The following AJM1 variants were observed in gnomAD, a reference collection of about 807,000 sequenced individuals.
AJM1 encodes the protein apical junction component 1 homolog.
In AJM1, 22 loss-of-function variants were observed where a neutral mutation model predicts 43.0. The ratio of observed to expected loss-of-function variants is 0.51; its 90% CI spans 0.37 to 0.73. The LOEUF (loss-of-function observed/expected upper bound fraction) is 0.73. Ranked by LOEUF, AJM1 falls within the 30% of genes least tolerant of loss-of-function variation. AJM1 has a pLI of 0.00. For missense variants in AJM1, 1,305 were observed against 1,343.3 expected (o/e 0.97, Z 0.45); for synonymous variants, 719 against 638.3 (o/e 1.13, Z -1.91).
In AJM1 at chr9:136,844,809, G is replaced by A. The variant is rs1588380244; in HGVS notation, c.395G>A (p.Arg132Gln). 4.6e-6 allele frequency: 1 copy of A among 219,640 alleles called. No individual in the cohort carries two copies. Among genetic ancestry groups the A allele is most frequent in the South Asian group, 8.3e-5 (1 of 12,090 alleles). The allele number at this position is 219,640 out of a possible 1,614,324, so 13.6% of individuals were successfully genotyped here. A position where few individuals can be genotyped will look rare whatever the true frequency, so the allele number is the denominator to read the frequency against. ...GCGCGGGCCGAGGCATCGCCGCGCC[G>A]GGAGCCCGCGTACCCGGCGCTCCGC... The part of the protein sequence containing the change: ...RAARAEASPR[R>Q]EPAYPALRAL... The change falls in exon 3 of 3, where the codon CGG (arginine) becomes CAG (glutamine). Residue 132 changes from arginine to glutamine, a missense_variant. This residue lies in a region of AJM1 where 653 missense variants were observed against 549.1 expected (regional missense o/e 1.19). Coordinates refer to ENST00000436881, the MANE Select transcript of AJM1 (RefSeq NM_001080482.5).
Position 136,846,038 on chromosome 9 carries a change from G to T in AJM1, c.1624G>T (p.Ala542Ser). Residue 542 changes from alanine to serine, a missense_variant, in exon 3 of 3, where the codon GCC becomes TCC. Ala to Ser is a moderately conservative substitution (Grantham distance 99). Transcript: ENST00000436881. ...EITITDNDLRATERPSARAWE... is the reference protein window; with the variant it reads ...EITITDNDLRSTERPSARAWE... The stretch of plus-strand genomic sequence containing the variant: ...CACCATCACTGACAATGACCTGCGC[G>T]CCACCGAGCGCCCGAGCGCCAGGGC... 1 of 1,542,688 alleles carries T rather than the reference G, an allele frequency of 6.5e-7. No homozygotes were observed.
chr9:136,844,110 G>A (rs1169371527), intron 1 of AJM1, among the ~76,000 whole-genome samples, 86 bp from the exon 2 acceptor site: 3 of 152,208 alleles, frequency 2.0e-5, no homozygotes, highest in Non-Finnish European at 2.9e-5. Context: ...CCACGGCTAA[G>A]CCTTTCTGGC....
In AJM1 at chr9:136,846,269, G is replaced by C; in HGVS notation, c.1855G>C (p.Ala619Pro). 2 of 1,291,606 alleles carry C rather than the reference G, an allele frequency of 1.5e-6. No individual in the cohort carries two copies. The highest frequency in any genetic ancestry group is 3.6e-5 in the Admixed American group (1 of 27,812). 80.0% of individuals were successfully genotyped at this position (1,291,606 alleles called of 1,614,324 possible). A position where few individuals can be genotyped will look rare whatever the true frequency, so the allele number is the denominator to read the frequency against. Residue 619 changes from alanine to proline, a missense_variant, in exon 3 of 3, where the codon GCG becomes CCG. By Grantham distance (27) the Ala-to-Pro change is conservative (BLOSUM62 -1). Coordinates refer to ENST00000436881, the MANE Select transcript of AJM1 (RefSeq NM_001080482.5). ...GCGCCGACTGCTGGACTCGCGGCCC[G>C]CGGGCTCCGGGGCCCCCGCGCTGGC... ...QLRRLLDSRP[A>P]GSGAPALAPP...
chr9:136,845,961 A>C lies in AJM1; in HGVS notation c.1547A>C (p.Lys516Thr), dbSNP rs763483715. 5 of 1,553,958 alleles carry C rather than the reference A, an allele frequency of 3.2e-6. No individual in the cohort carries two copies. In the South Asian group the frequency reaches 4.7e-5, roughly 15 times the overall value. Reference protein sequence around the residue: ...LSLSETSLTEKGRAGEGLGRN... With the variant: ...LSLSETSLTETGRAGEGLGRN... ...CTGTCCGAGACGTCGCTGACGGAGA[A>C]GGGCCGCGCGGGCGAGGGCCTGGGC... Residue 516 changes from lysine (K) to threonine (T), a missense_variant, in exon 3 of 3, where the codon AAG (lysine) becomes ACG (threonine). Transcript: ENST00000436881.
At position 136,845,376 on chromosome 9, in the gene AJM1, G is replaced by A; in HGVS notation, c.962G>A (p.Arg321Lys). The stretch of plus-strand genomic sequence containing the variant: ...GAGGAGCTCTCGGGGCCCAGTCCAA[G>A]GCGCATGGGCGGCTACTACGCAGGA... ...PSEELSGPSP[R>K]RMGGYYAGEV... The change falls in exon 3 of 3, where the codon AGG (arginine) becomes AAG (lysine). Residue 321 changes from arginine (R) to lysine (K), a missense_variant. Around this residue, in one of 6 missense-constraint regions of AJM1, gnomAD observed 653 missense variants for 549.1 expected, o/e 1.19. Transcript: ENST00000436881. The A allele has an allele frequency of 6.2e-7, 1 of 1,612,382 alleles. No homozygotes were observed. Among genetic ancestry groups the A allele is most frequent in the Non-Finnish European group, 8.5e-7 (1 of 1,179,792 alleles).
Position 136,846,795 on chromosome 9 carries a change from G to A in AJM1, c.2381G>A (p.Ser794Asn), listed in dbSNP as rs761458171. The change falls in exon 3 of 3, where the codon AGC becomes AAC. Residue 794 changes from serine to asparagine, a missense_variant. Physicochemically the swap from Ser to Asn is conservative, Grantham distance 46 (BLOSUM62 1). Around this residue, in one of 6 missense-constraint regions of AJM1, gnomAD observed 391 missense variants for 507.5 expected, o/e 0.77. Transcript: ENST00000436881. The stretch of plus-strand genomic sequence containing the variant: ...GCCACACACGCGGCGCCCCTGGGCA[G>A]CTACGCGCGCGAGCTGGCGGCCGCT... The part of the protein sequence containing the change: ...ELATHAAPLG[S>N]YARELAAAGR... The A allele has an allele frequency of 1.4e-5, 22 of 1,593,610 alleles. No individual in the cohort carries two copies. Among genetic ancestry groups the A allele is most frequent in the Non-Finnish European group, 1.6e-5 (19 of 1,175,986 alleles).
rs894857922 is a variant in AJM1, at chr9:136,845,849, G to A, written c.1435G>A (p.Glu479Lys). The change falls in exon 3 of 3, where the codon GAG becomes AAG. Residue 479 changes from glutamate to lysine, a missense_variant. Glu to Lys is a moderately conservative substitution (Grantham distance 56, BLOSUM62 1). Coordinates refer to ENST00000436881, the MANE Select transcript of AJM1 (RefSeq NM_001080482.5). Reference sequence around the variant, plus strand: ...GAACCTGCTGGGGCGCGAGGTGCGGGAGCCGCGAGGCGTGTCCCCCGAAGG... The same window carrying A: ...GAACCTGCTGGGGCGCGAGGTGCGGAAGCCGCGAGGCGTGTCCCCCGAAGG... The part of the protein sequence containing the change: ...YENLLGREVR[E>K]PRGVSPEGRR... 14 of 1,559,048 alleles carry A rather than the reference G, an allele frequency of 9.0e-6. No individual in the cohort carries two copies. Among genetic ancestry groups the A allele is most frequent in the Non-Finnish European group, 1.2e-5 (14 of 1,154,664 alleles).
In AJM1 at chr9:136,847,294, G is replaced by C; in HGVS notation, c.2880G>C (p.Pro960=). 6.4e-7 allele frequency: 1 copy of C among 1,550,856 alleles called. No homozygotes were observed. Among genetic ancestry groups the C allele is most frequent in the Non-Finnish European group, 8.7e-7 (1 of 1,153,584 alleles). Residue 960 remains proline, a synonymous_variant, in exon 3 of 3, where the codon CCG becomes CCC. Coordinates refer to ENST00000436881, the MANE Select transcript of AJM1 (RefSeq NM_001080482.5). ...FMCMIMAASE[P]RALDWVASAN... is the part of the protein sequence containing the mutation. ...GCATGATCATGGCCGCCTCCGAGCCGCGCGCGCTCGACTGGGTGGCCAGCG... is the reference window on the plus strand; with the variant it reads ...GCATGATCATGGCCGCCTCCGAGCCCCGCGCGCTCGACTGGGTGGCCAGCG...
At position 136,847,605 on chromosome 9, in the gene AJM1, C is replaced by T. The variant is rs1210702991; in HGVS notation, c.*260C>T. 1 of 398,304 alleles carries T rather than the reference C, an allele frequency of 2.5e-6. No homozygotes were observed. Among genetic ancestry groups the T allele is most frequent in the East Asian group, 3.8e-5 (1 of 26,610 alleles). The allele number at this position is 398,304 out of a possible 1,614,324, so 24.7% of individuals were successfully genotyped here. ...TTCGCCTTCCCACCCCCAGCAACCC[C>T]TCTCCCTCCTCCGGGCCTCCTCCCT... On this transcript the variant is annotated 3_prime_UTR_variant, in exon 3 of 3. Coordinates refer to ENST00000436881, the MANE Select transcript of AJM1 (RefSeq NM_001080482.5).
chr9:136,846,135 A>G lies in AJM1; in HGVS notation c.1721A>G (p.Gln574Arg), dbSNP rs1848771699. The change falls in exon 3 of 3, where the codon CAG becomes CGG. Residue 574 changes from glutamine to arginine, a missense_variant. By Grantham distance (43) the Gln-to-Arg change is conservative. Around this residue, in one of 6 missense-constraint regions of AJM1, gnomAD observed 391 missense variants for 507.5 expected, o/e 0.77. Coordinates refer to ENST00000436881, the MANE Select transcript of AJM1 (RefSeq NM_001080482.5). Reference sequence around the variant, plus strand: ...CCCGACGGCCCCACCTCTGGCCGCCAGCGGAGCCTAGAGCAGCTGGACGAG... The same window carrying G: ...CCCGACGGCCCCACCTCTGGCCGCCGGCGGAGCCTAGAGCAGCTGGACGAG... ...AAPDGPTSGR[Q>R]RSLEQLDELI... 1.3e-6 allele frequency: 2 copies of G among 1,528,960 alleles called. No homozygotes were observed. Among genetic ancestry groups the G allele is most frequent in the South Asian group, 1.2e-5 (1 of 83,278 alleles). 94.7% of individuals were successfully genotyped at this position (1,528,960 alleles called of 1,614,324 possible). A position where few individuals can be genotyped will look rare whatever the true frequency, so the allele number is the denominator to read the frequency against.
rs1242556484 is a variant in AJM1 at position 136,846,908 on chromosome 9, C to T, written c.2494C>T (p.Leu832=). ...PGTAPPGTPA[L]PAPAPRSHGP... is the part of the protein sequence containing the mutation. ...CACCGCGCCACCGGGGACACCGGCC[C>T]TGCCCGCGCCCGCGCCACGCAGCCA... The change falls in exon 3 of 3, where the codon CTG becomes TTG. Residue 832 remains leucine (L), a synonymous_variant. Transcript: ENST00000436881. The T allele has an allele frequency of 1.0e-5, 15 of 1,471,142 alleles. No homozygotes were observed. Among genetic ancestry groups the T allele is most frequent in the Admixed American group, 5.0e-5 (2 of 40,168 alleles). The allele number at this position is 1,471,142 out of a possible 1,614,324, so 91.1% of individuals were successfully genotyped here.
rs1314958917 is a variant in AJM1 at position 136,844,633 on chromosome 9, G to A, written c.219G>A (p.Pro73=). 3.3e-6 allele frequency: 5 copies of A among 1,536,794 alleles called. No individual in the cohort carries two copies. Among genetic ancestry groups the A allele is most frequent in the Admixed American group, 2.0e-5 (1 of 50,790 alleles). Residue 73 remains proline, a synonymous_variant, in exon 3 of 3, where the codon CCG becomes CCA. Coordinates refer to ENST00000436881, the MANE Select transcript of AJM1 (RefSeq NM_001080482.5). ...AMETLPEPPP[P]ESAVPRARTR... ...AGACCCTGCCGGAGCCACCGCCGCC[G>A]GAGTCCGCTGTGCCGCGCGCCCGGA... is the stretch of plus-strand genomic sequence containing the variant.
rs558003127 is a variant in AJM1 at position 136,842,655 on chromosome 9, C to T, written c.-144+66C>T. ...ATGGGCGGGGGAAGCTGCCTTAGGG[C>T]AGCCGAAAGGATGGGGAGTCCCCGC... On this transcript the variant is annotated intron_variant, in intron 1 of 2. Transcript: ENST00000436881. Among the ~76,000 whole-genome samples the T allele has an allele frequency of 4.6e-5, 7 of 152,246 alleles. No homozygotes were observed. The East Asian group carries it at 1.4e-3, about 30-fold the overall frequency.
Position 136,844,356 on chromosome 9 carries a change from G to C in AJM1, c.-59G>C. 8 of 1,445,170 alleles carry C rather than the reference G, an allele frequency of 5.5e-6. No homozygotes were observed. The highest frequency in any genetic ancestry group is 7.7e-6 in the Non-Finnish European group (8 of 1,041,036). 89.5% of individuals were successfully genotyped at this position (1,445,170 alleles called of 1,614,324 possible). On this transcript the variant is annotated splice_region_variant and 5_prime_UTR_variant, in exon 3 of 3. Coordinates refer to ENST00000436881, the MANE Select transcript of AJM1 (RefSeq NM_001080482.5). ...CGCCCTGACCCGCGTCTCCCCCCAG[G>C]GCAAAAGCCCCGCAAGGCAGTGTGA...
In AJM1 at chr9:136,846,939, C is replaced by T. The variant is rs1387283342; in HGVS notation, c.2525C>T (p.Pro842Leu). Residue 842 changes from proline (P) to leucine (L), a missense_variant, in exon 3 of 3, where the codon CCA becomes CTA. By Grantham distance (98) the Pro-to-Leu change is moderately conservative (BLOSUM62 -3). Transcript: ENST00000436881. ...GCGCCCGCGCCACGCAGCCACGGGC[C>T]AACAGTGCGCAAGTTCGCCAAGGTA... ...LPAPAPRSHG[P>L]TVRKFAKVAL... 75 of 1,389,536 alleles carry T rather than the reference C, an allele frequency of 5.4e-5. No individual in the cohort carries two copies. In the East Asian group the frequency reaches 2.2e-3, roughly 40 times the overall value. 86.1% of individuals were successfully genotyped at this position (1,389,536 alleles called of 1,614,324 possible).
rs1332656111 is a variant in AJM1, at chr9:136,842,501, C to G, written c.-232C>G. Among the ~76,000 whole-genome samples, 1 of 152,236 alleles carries G rather than the reference C, an allele frequency of 6.6e-6. No homozygotes were observed. The highest frequency in any genetic ancestry group is 1.5e-5 in the Non-Finnish European group (1 of 68,030). On this transcript the variant is annotated 5_prime_UTR_variant, in exon 1 of 3. Coordinates refer to ENST00000436881, the MANE Select transcript of AJM1 (RefSeq NM_001080482.5). ...GCGCTGCTGCCTGGAAGCTTCTGCC[C>G]GTGCCGGGGACGCAGCAGTGCCGGG...
Position 136,845,776 on chromosome 9 carries a change from C to T in AJM1, c.1362C>T (p.Ala454=), listed in dbSNP as rs1401786800. 2.5e-6 allele frequency: 4 copies of T among 1,574,538 alleles called. No homozygotes were observed. In the Admixed American group the frequency reaches 7.1e-5, roughly 28 times the overall value. The stretch of plus-strand genomic sequence containing the variant: ...CGCGCTCCTGGGACAACATTCTGGC[C>T]CCGGGGCCGCGCCGAGAAGACCCGT... ...HYSRSWDNIL[A]PGPRREDPLG... Residue 454 remains alanine, a synonymous_variant, in exon 3 of 3, where the codon GCC becomes GCT. Transcript: ENST00000436881.
rs1260105191 is a variant in AJM1 at position 136,845,465 on chromosome 9, G to C, written c.1051G>C (p.Ala351Pro). The C allele has an allele frequency of 4.3e-6, 7 of 1,609,398 alleles. No homozygotes were observed. In the East Asian group the frequency reaches 1.3e-4, roughly 31 times the overall value. ...SRSYYGEAPR[A>P]YGLPYGPRYV... ...CTCCTACTATGGGGAGGCTCCACGA[G>C]CCTACGGCCTGCCCTACGGGCCCCG... Residue 351 changes from alanine to proline, a missense_variant, in exon 3 of 3, where the codon GCC (alanine) becomes CCC (proline). Physicochemically the swap from Ala to Pro is conservative, Grantham distance 27. Transcript: ENST00000436881.
Position 136,847,005 on chromosome 9 carries a change from G to A in AJM1, c.2591G>A (p.Arg864Gln), listed in dbSNP as rs1222907623. 29 of 1,234,238 alleles carry A rather than the reference G, an allele frequency of 2.3e-5. No individual in the cohort carries two copies. The highest frequency in any genetic ancestry group is 3.1e-5 in the Non-Finnish European group (29 of 935,466). 76.5% of individuals were successfully genotyped at this position (1,234,238 alleles called of 1,614,324 possible). ...AGSPARPPPA[R>Q]SREPDMETLI... ...AGCCCCGCGCGGCCGCCCCCGGCGCGGAGCCGCGAGCCCGACATGGAGACG... is the reference window on the plus strand; with the variant it reads ...AGCCCCGCGCGGCCGCCCCCGGCGCAGAGCCGCGAGCCCGACATGGAGACG... Residue 864 changes from arginine to glutamine, a missense_variant, in exon 3 of 3, where the codon CGG becomes CAG. Around this residue, in one of 6 missense-constraint regions of AJM1, gnomAD observed 391 missense variants for 507.5 expected, o/e 0.77. Transcript: ENST00000436881.
Sources: gnomAD v4.1 joint callset for allele counts (sites outside exome capture counted in the v4.1 genomes callset) on GRCh38, gnomAD v4.1.1 for gene constraint, gnomAD v4.1.1 regional missense constraint, MANE v1.5 for transcripts, NCBI Gene and HGNC (gene_info 2026-07-23, HGNC 2026-07-21) for gene names.